GPC4: variants seen among roughly 807,000 people sequenced by gnomAD.
The protein encoded by GPC4 is glypican-4.
A neutral mutation model predicts 35.0 loss-of-function variants in GPC4; 10 were observed. The ratio of observed to expected loss-of-function variants is 0.29; its 90% confidence interval spans 0.18 to 0.48. The LOEUF (loss-of-function observed/expected upper bound fraction) is 0.48, where lower values mean the gene tolerates loss of function less well. GPC4 is among the 20% of genes least tolerant of loss of function. GPC4 has a pLI of 0.99. For missense variants in GPC4, 322 were observed against 451.3 expected (o/e 0.71, Z 2.60); for synonymous variants, 167 against 170.2 (o/e 0.98, Z 0.15).
chrX:133,340,677 T>A (rs1294468552), intron 1 of GPC4, among the ~76,000 whole-genome samples: 2 of 112,399 alleles, frequency 1.8e-5, no homozygotes, highest in Admixed American at 9.4e-5. Context: ...AATGGAGATA[T>A]CAAAGCAGCT....
chrX:133,338,663 T>C (rs1398412518), intron 2 of GPC4, among the ~76,000 whole-genome samples: 1 of 111,668 alleles, frequency 9.0e-6, no homozygotes, highest in African/African-American at 3.3e-5. Flanking sequence ...GGAGCCCAGC[T>C]TAATGAAGAC....
At chrX:133,322,779 G>C (rs1439976243) in intron 3 of GPC4, among the ~76,000 whole-genome samples, 1 of 112,340 alleles carries the variant, frequency 8.9e-6, no homozygotes, top group Non-Finnish European at 1.9e-5. Context: ...GGCCTCAGCA[G>C]AATCTGCTGT....
chrX:133,305,799 T>C lies in GPC4; in HGVS notation c.1128A>G (p.Thr376=), dbSNP rs375678575. 1.7e-6 allele frequency: 2 copies of C among 1,210,181 alleles called. No individual in the cohort carries two copies. The highest frequency in any genetic ancestry group is 3.5e-5 in the African/African-American group (2 of 57,233). The change falls in exon 6 of 9, where the codon ACA becomes ACG. Residue 376 remains threonine, a synonymous_variant. Coordinates refer to ENST00000370828, the MANE Select transcript of GPC4 (RefSeq NM_001448.3). Reference sequence around the variant, plus strand: ...GTCGGTCCAAACTAGTGCCAGCTGCTGTGGTTGGGCGTTCCTCGGGGTGAT... The same window carrying C: ...GTCGGTCCAAACTAGTGCCAGCTGCCGTGGTTGGGCGTTCCTCGGGGTGAT... ...RPHHPEERPT[T]AAGTSLDRLV...
intron 1 of GPC4, among the ~76,000 whole-genome samples, chrX:133,380,367 A>C: frequency 1.3e-5 from 1 of 74,692 alleles, no homozygotes; most frequent in Admixed American, 1.9e-4. Flanking sequence ...ACCCCCCAAA[A>C]AAGTGATGCA....
At chrX:133,313,058 C>T (rs2068323533) in intron 3 of GPC4, among the ~76,000 whole-genome samples, 1 of 111,840 alleles carries the variant, frequency 8.9e-6, no homozygotes, top group African/African-American at 3.3e-5. Flanking sequence ...GTGTAAGTAC[C>T]CACCAGTTCT....
chrX:133,383,328 T>C (rs1011450873), intron 1 of GPC4, among the ~76,000 whole-genome samples: 2 of 111,380 alleles, frequency 1.8e-5, no homozygotes, highest in Admixed American at 9.6e-5. Context: ...ATATGACATA[T>C]GGAATGTCAT....
At chrX:133,360,874 TA>T (rs1333984478) in intron 1 of GPC4, among the ~76,000 whole-genome samples, 1 of 112,145 alleles carries the variant, frequency 8.9e-6, no homozygotes, top group Non-Finnish European at 1.9e-5. Flanking sequence ...CATCATTTAT[TA>T]AATGATTCTC....
rs1011086071 is a variant in GPC4, at chrX:133,311,355, G to A, written c.780C>T (p.Leu260=). 10 of 1,209,118 alleles carry A rather than the reference G, an allele frequency of 8.3e-6. No individual in the cohort carries two copies. The African/African-American group carries it at 1.4e-4, about 17-fold the overall frequency. ...AGTTGTAACATGGCTTCACAGTCAC[G>A]AGACCCCGGCAGTGGGAGCAGTAGA... The part of the protein sequence containing the change: ...KMIYCSHCRG[L]VTVKPCYNYC... Residue 260 remains leucine, a synonymous_variant, in exon 4 of 9, where the codon CTC becomes CTT. Coordinates refer to ENST00000370828, the MANE Select transcript of GPC4 (RefSeq NM_001448.3).
At chrX:133,351,636 C>T (rs948353360) in intron 1 of GPC4, among the ~76,000 whole-genome samples, 1 of 111,365 alleles carries the variant, frequency 9.0e-6, no homozygotes, top group Admixed American at 9.5e-5. Context: ...GGCTTCTTAA[C>T]ACCATTTGAT....
chrX:133,404,868 A>AAAAAAAAAG (rs2068780629), intron 1 of GPC4, among the ~76,000 whole-genome samples: 1 of 105,047 alleles, frequency 9.5e-6, no homozygotes, highest in South Asian at 4.4e-4. Context: ...AAAAAAAAAA[A>AAAAAAAAAG]GGTGCAGAGG....
chrX:133,362,140 G>A (rs1300240420), intron 1 of GPC4, among the ~76,000 whole-genome samples: 1 of 108,727 alleles, frequency 9.2e-6, no homozygotes, highest in Admixed American at 9.9e-5. Flanking sequence ...CTTGAGCCCA[G>A]GAGGTCGAGG....
intron 7 of GPC4, among the ~76,000 whole-genome samples, chrX:133,304,489 G>A (rs1216066534): frequency 3.6e-5 from 4 of 111,644 alleles, no homozygotes; most frequent in Non-Finnish European, 5.6e-5. Flanking sequence ...GCCCTAATAC[G>A]AGACTATAAC....
At chrX:133,372,204 C>T (rs1036891012) in intron 1 of GPC4, among the ~76,000 whole-genome samples, 22 of 90,955 alleles carry the variant, frequency 2.4e-4, no homozygotes, top group African/African-American at 8.6e-4. Context: ...CCAGCCTGGG[C>T]GACACAGCGA....
At chrX:133,326,021 T>TA (rs2068391513) in intron 2 of GPC4, among the ~76,000 whole-genome samples, 1 of 77,764 alleles carries the variant, frequency 1.3e-5, no homozygotes, top group African/African-American at 9.4e-5. Flanking sequence ...GTATGGCTTG[T>TA]GTTTTTTTTT....
chrX:133,368,453 A>T (rs2068599265), intron 1 of GPC4, among the ~76,000 whole-genome samples: 2 of 111,332 alleles, frequency 1.8e-5, no homozygotes, highest in Non-Finnish European at 3.8e-5. Flanking sequence ...CACTAAGGGA[A>T]GGTTTTCAAT....
At chrX:133,335,538 G>A (rs1197327689) in intron 2 of GPC4, among the ~76,000 whole-genome samples, 1 of 111,111 alleles carries the variant, frequency 9.0e-6, no homozygotes, top group Non-Finnish European at 1.9e-5. Context: ...ATGTGCAAAC[G>A]ATAGGAAATT....
At chrX:133,310,220 G>A (rs755773601) in intron 4 of GPC4, among the ~76,000 whole-genome samples, 1 of 111,464 alleles carries the variant, frequency 9.0e-6, no homozygotes, top group African/African-American at 3.3e-5. Flanking sequence ...ATGTTCCCAT[G>A]ATTTGGACAA....
chrX:133,308,452 G>A (rs1192542379), intron 4 of GPC4, among the ~76,000 whole-genome samples: 3 of 112,191 alleles, frequency 2.7e-5, no homozygotes. Context: ...GACTTTTGTT[G>A]GTGGGGGCAA....
rs1293153941 is a variant in GPC4, at chrX:133,300,953, C to T, written c.*1914G>A. Reference sequence around the variant, plus strand: ...CCCTTAGCTATTTACAATCTATTTTCCCTTATATATAAATGGAGTGCCTTT... The same window carrying T: ...CCCTTAGCTATTTACAATCTATTTTTCCTTATATATAAATGGAGTGCCTTT... On this transcript the variant is annotated 3_prime_UTR_variant, in exon 9 of 9. Coordinates refer to ENST00000370828, the MANE Select transcript of GPC4 (RefSeq NM_001448.3). The T allele has an allele frequency of 9.0e-6, 1 of 110,894 alleles. No individual in the cohort carries two copies. Among genetic ancestry groups the T allele is most frequent in the Non-Finnish European group, 1.9e-5 (1 of 53,078 alleles). 9.1% of individuals were successfully genotyped at this position (110,894 alleles called of 1,213,427 possible).
Sources: allele counts gnomAD v4.1 joint callset (sites outside exome capture counted in the v4.1 genomes callset), GRCh38; gene constraint gnomAD v4.1.1; transcripts MANE v1.5; gene names NCBI Gene and HGNC (gene_info 2026-07-23, HGNC 2026-07-21).